TXLNB: variants seen among roughly 807,000 people sequenced by gnomAD.
The protein encoded by TXLNB is taxilin beta, also known as beta-taxilin.
In TXLNB, 37 loss-of-function variants were observed where a neutral mutation model predicts 57.4. The observed-to-expected ratio is 0.64, with a 90% confidence interval of 0.50 to 0.85. The LOEUF is 0.85. Ranked by LOEUF, TXLNB falls within the 40% of genes least tolerant of loss-of-function variation. The probability of loss-of-function intolerance (pLI) is 0.00; values close to 1 mark genes in which losing one functional copy is unlikely to be tolerated. For synonymous variants in TXLNB, 302 were observed against 309.6 expected (o/e 0.98, Z 0.26); for missense variants, 848 against 825.6 (o/e 1.03, Z -0.33).
At chr6:139,232,515 T>C in the TXLNB span, among the ~76,000 whole-genome samples, 1 of 152,242 alleles carries the variant, frequency 6.6e-6, no homozygotes, top group Non-Finnish European at 1.5e-5. Context: ...AAACTTGAAC[T>C]CTGACTTTGA....
the TXLNB span, among the ~76,000 whole-genome samples, chr6:139,231,467 G>A: frequency 6.6e-6 from 1 of 152,182 alleles, no homozygotes; most frequent in Non-Finnish European, 1.5e-5. Flanking sequence ...CATTCCAGGG[G>A]CTAGCACAGA....
chr6:139,215,878 C>T, the TXLNB span, among the ~76,000 whole-genome samples: 1 of 152,164 alleles, frequency 6.6e-6, no homozygotes, highest in Non-Finnish European at 1.5e-5. Context: ...AAAAAATGCT[C>T]ACCATCACTG....
downstream of TXLNB, among the ~76,000 whole-genome samples, chr6:139,236,401 A>T (rs1775836667): frequency 6.6e-6 from 1 of 152,094 alleles, no homozygotes; most frequent in African/African-American, 2.4e-5. Flanking sequence ...CAAAGAAGCG[A>T]GCCACACCCC....
the TXLNB span, among the ~76,000 whole-genome samples, chr6:139,210,021 A>G: frequency 2.0e-5 from 3 of 152,300 alleles, no homozygotes; most frequent in Admixed American, 6.5e-5. Flanking sequence ...CAACAAGAAA[A>G]AATACTCCCA....
Position 139,291,979 on chromosome 6 carries a change from G to A in TXLNB, c.-73C>T, listed in dbSNP as rs1777309011. On this transcript the variant is annotated 5_prime_UTR_variant, in exon 1 of 10. Transcript: ENST00000358430. ...AGAGGAAGGAGGCAGGAAAAAGCAA[G>A]TCAGAGCTGCAGCAACAGCAGGAGA... 1 of 153,514 alleles carries A rather than the reference G, an allele frequency of 6.5e-6. No homozygotes were observed. The highest frequency in any genetic ancestry group is 2.4e-5 in the African/African-American group (1 of 41,438). 9.5% of individuals were successfully genotyped at this position (153,514 alleles called of 1,614,324 possible). A position where few individuals can be genotyped will look rare whatever the true frequency, so the allele number is the denominator to read the frequency against.
chr6:139,258,440 G>C (rs1453547092), intron 6 of TXLNB, among the ~76,000 whole-genome samples: 1 of 152,108 alleles, frequency 6.6e-6, no homozygotes, highest in South Asian at 2.1e-4. Context: ...AATAATAATT[G>C]AATGTTTTAT....
Position 139,252,757 on chromosome 6 carries a change from C to T in TXLNB, c.1077+2807G>A, listed in dbSNP as rs562622570. On this transcript the variant is annotated intron_variant, in intron 7 of 9. Transcript: ENST00000358430. The stretch of plus-strand genomic sequence containing the variant: ...CTGGAATCCCAGCACTTTGGGAGGC[C>T]GAGGTGGGCTGATCACGAGGCCAGG... Among the ~76,000 whole-genome samples, 5 of 152,322 alleles carry T rather than the reference C, an allele frequency of 3.3e-5. 1 individual carries two copies. Among genetic ancestry groups the T allele is most frequent in the African/African-American group, 1.2e-4 (5 of 41,562 alleles).
chr6:139,182,813 C>T, the TXLNB span, among the ~76,000 whole-genome samples: 1 of 152,236 alleles, frequency 6.6e-6, no homozygotes, highest in East Asian at 1.9e-4. Context: ...GCCTCAGAAA[C>T]AGCAAAAGTA....
At chr6:139,203,079 C>T in the TXLNB span, among the ~76,000 whole-genome samples, 1 of 152,154 alleles carries the variant, frequency 6.6e-6, no homozygotes, top group South Asian at 2.1e-4. Flanking sequence ...ATAAATACCA[C>T]ATTTTCTTTA....
the TXLNB span, among the ~76,000 whole-genome samples, chr6:139,303,867 T>G: frequency 6.6e-6 from 1 of 151,424 alleles, no homozygotes; most frequent in Non-Finnish European, 1.5e-5. Flanking sequence ...CTTTTTTTTT[T>G]TTTTTTTAAA....
At chr6:139,256,478 T>C (rs563177417) in intron 6 of TXLNB, among the ~76,000 whole-genome samples, 38 of 152,318 alleles carry the variant, frequency 2.5e-4, no homozygotes, top group African/African-American at 9.1e-4. Context: ...TACAGACACC[T>C]GCCACCATGC....
At chr6:139,256,699 T>A (rs550620948) in intron 6 of TXLNB, among the ~76,000 whole-genome samples, 7 of 152,380 alleles carry the variant, frequency 4.6e-5, no homozygotes, top group Admixed American at 4.6e-4. Context: ...GCACACTTGA[T>A]ACAATAAGAA....
chr6:139,169,375 C>A, the TXLNB span, among the ~76,000 whole-genome samples: 1 of 151,992 alleles, frequency 6.6e-6, no homozygotes, highest in Non-Finnish European at 1.5e-5. Context: ...TACGGAGTTA[C>A]AAATTTTCTG....
chr6:139,297,915 A>G, the TXLNB span, among the ~76,000 whole-genome samples: 1 of 152,196 alleles, frequency 6.6e-6, no homozygotes, highest in African/African-American at 2.4e-5. Context: ...GTGGGGGCGC[A>G]TCATTCTATA....
chr6:139,296,280 T>C (rs1275201314), upstream of TXLNB, among the ~76,000 whole-genome samples: 1 of 152,224 alleles, frequency 6.6e-6, no homozygotes, highest in Non-Finnish European at 1.5e-5. Context: ...TTATACTTAC[T>C]TGATTGATAG....
the TXLNB span, among the ~76,000 whole-genome samples, chr6:139,181,494 A>C: frequency 5.9e-5 from 9 of 152,338 alleles, no homozygotes; most frequent in East Asian, 1.5e-3. Flanking sequence ...GGAGGCTGCT[A>C]GATGAGTCCC....
the TXLNB span, among the ~76,000 whole-genome samples, chr6:139,206,487 T>G: frequency 6.6e-6 from 1 of 151,980 alleles, no homozygotes; most frequent in Non-Finnish European, 1.5e-5. Context: ...GCTAACATGG[T>G]GAAACCCCAT....
At chr6:139,211,646 T>C in the TXLNB span, among the ~76,000 whole-genome samples, 6 of 151,684 alleles carry the variant, frequency 4.0e-5, no homozygotes, top group African/African-American at 1.2e-4. Flanking sequence ...CTTTGACGAG[T>C]TGAGAGAGGA....
Position 139,243,145 on chromosome 6 carries a change from T to A in TXLNB, c.1436A>T (p.Glu479Val). ...QSQHNSDEEP[E>V]SNVSVDQEID... is the part of the protein sequence containing the mutation. ...CTCTTGATCCACAGAGACGTTTGAC[T>A]CTGGCTCTTCATCGGAGTTGTGCTG... The change falls in exon 10 of 10, where the codon GAG (glutamate) becomes GTG (valine). Residue 479 changes from glutamate (E) to valine (V), a missense_variant. By Grantham distance (121) the Glu-to-Val change is moderately radical. Coordinates refer to ENST00000358430, the MANE Select transcript of TXLNB (RefSeq NM_153235.4). The A allele has an allele frequency of 6.2e-7, 1 of 1,614,226 alleles. No homozygotes were observed. The highest frequency in any genetic ancestry group is 8.5e-7 in the Non-Finnish European group (1 of 1,180,044).
Sources: allele counts gnomAD v4.1 joint callset (sites outside exome capture counted in the v4.1 genomes callset), GRCh38; gene constraint gnomAD v4.1.1; transcripts MANE v1.5; gene names NCBI Gene and HGNC (gene_info 2026-07-23, HGNC 2026-07-21).